The following ARHGAP23 variants were observed in gnomAD, a reference collection of about 807,000 sequenced individuals.
ARHGAP23 encodes the protein rho GTPase-activating protein 23.
A neutral mutation model predicts 136.3 loss-of-function variants in ARHGAP23; 34 were observed. The ratio of observed to expected loss-of-function variants is 0.25; its 90% CI spans 0.19 to 0.33. ARHGAP23 has a LOEUF of 0.33. Among genes scored for constraint, ARHGAP23 ranks in the 10% least tolerant of loss-of-function variants. The pLI is 1.00. For missense variants in ARHGAP23, 1,808 were observed against 2,139.0 expected (o/e 0.85, Z 3.05); for synonymous variants, 832 against 920.5 (o/e 0.90, Z 1.74).
intron 6 of ARHGAP23, among the ~76,000 whole-genome samples, chr17:38,465,816 G>A (rs916380652): frequency 6.6e-6 from 1 of 152,072 alleles, no homozygotes; most frequent in Non-Finnish European, 1.5e-5. Context: ...AGGAGCTTTG[G>A]GCATTGGTGG....
chr17:38,427,040 G>A (rs528132392), upstream of ARHGAP23, among the ~76,000 whole-genome samples: 31 of 152,278 alleles, frequency 2.0e-4, no homozygotes, highest in African/African-American at 7.5e-4. Context: ...ACATAATCTG[G>A]GAAAAGGAAT....
chr17:38,436,665 A>G (rs1313962365), intron 1 of ARHGAP23, among the ~76,000 whole-genome samples: 1 of 152,194 alleles, frequency 6.6e-6, no homozygotes, highest in African/African-American at 2.4e-5. Flanking sequence ...GCCAGACAAA[A>G]AGTCTCCACA....
At chr17:38,432,107 T>C (rs2038698329) in intron 1 of ARHGAP23, among the ~76,000 whole-genome samples, 1 of 152,244 alleles carries the variant, frequency 6.6e-6, no homozygotes, top group Admixed American at 6.5e-5. Flanking sequence ...CCCCTGACAC[T>C]GTGATGTTCC....
chr17:38,483,415 G>C (rs1221111424), intron 16 of ARHGAP23, among the ~76,000 whole-genome samples: 1 of 152,216 alleles, frequency 6.6e-6, no homozygotes, highest in East Asian at 1.9e-4. Flanking sequence ...ATTCTCAAAG[G>C]GTGTTCCCCA....
At chr17:38,500,511 T>C in intron 22 of ARHGAP23, 86 bp from the exon 23 acceptor site, 1 of 1,242,144 alleles carries the variant, frequency 8.1e-7, no homozygotes, top group East Asian at 2.5e-5. Context: ...TCTGAAGCCT[T>C]TGAGGAGAGG....
chr17:38,510,573 G>A lies in ARHGAP23; in HGVS notation c.4077G>A (p.Ala1359=). 2 of 1,246,580 alleles carry A rather than the reference G, an allele frequency of 1.6e-6. No homozygotes were observed. The highest frequency in any genetic ancestry group is 2.0e-6 in the Non-Finnish European group (2 of 995,852). 77.2% of individuals were successfully genotyped at this position (1,246,580 alleles called of 1,614,324 possible). The change falls in exon 24 of 24, where the codon GCG becomes GCA. Residue 1359 remains alanine (A), a synonymous_variant. Coordinates refer to ENST00000622683, the MANE Select transcript of ARHGAP23 (RefSeq NM_001199417.2). The surrounding 1 kb of genome is among the most constrained non-coding windows in gnomAD (Gnocchi z 4.6). ...SSSQESLRPP[A]AALASRPSRM... ...GCCAGGAGTCGCTGCGGCCCCCGGC[G>A]GCGGCGCTGGCCTCCCGGCCCTCGC...
chr17:38,421,256 T>C (rs2038517768), intron 1 of ARHGAP23, among the ~76,000 whole-genome samples: 1 of 152,230 alleles, frequency 6.6e-6, no homozygotes, highest in Non-Finnish European at 1.5e-5. Flanking sequence ...GTGAAATCTC[T>C]GCCAGCTATG....
chr17:38,479,932 T>C, intron 14 of ARHGAP23, 49 bp downstream of exon 14: 2 of 698,556 alleles, frequency 2.9e-6, no homozygotes, highest in Non-Finnish European at 4.3e-6. Context: ...GCAGGGGGCA[T>C]GGGGAGGGGA....
upstream of ARHGAP23, among the ~76,000 whole-genome samples, chr17:38,424,502 G>A (rs1431755142): frequency 1.3e-5 from 2 of 152,146 alleles, no homozygotes; most frequent in Non-Finnish European, 2.9e-5. Flanking sequence ...TTCTCTGGCT[G>A]CCTGCTTCCT....
chr17:38,509,907 CG>C, intron 23 of ARHGAP23, 36 bp from the exon 24 acceptor site: 1 of 1,240,314 alleles, frequency 8.1e-7, no homozygotes. Context: ...GGGCCGAGTC[CG>C]GGCGCCCCCC....
At chr17:38,508,856 G>A (rs769740866) in intron 23 of ARHGAP23, among the ~76,000 whole-genome samples, 1 of 152,114 alleles carries the variant, frequency 6.6e-6, no homozygotes, top group Non-Finnish European at 1.5e-5. Context: ...AGACACCCAG[G>A]TAGAAATGGA....
At chr17:38,468,642 G>A (rs914518375) in intron 7 of ARHGAP23, among the ~76,000 whole-genome samples, 22 of 152,172 alleles carry the variant, frequency 1.4e-4, no homozygotes, top group African/African-American at 5.3e-4. Context: ...GGCTGTGGCC[G>A]GGAGAGGCAG....
chr17:38,499,032 C>G, intron 22 of ARHGAP23: 4 of 698,626 alleles, frequency 5.7e-6, no homozygotes, highest in Non-Finnish European at 1.0e-5. Context: ...CAGCGGCAGG[C>G]AGAATGTCCC....
chr17:38,465,745 C>A (rs529094905), intron 6 of ARHGAP23, among the ~76,000 whole-genome samples: 1 of 151,888 alleles, frequency 6.6e-6, no homozygotes, highest in South Asian at 2.1e-4. Context: ...CACCCCTAGC[C>A]GGCTTTCTTC....
In ARHGAP23 at chr17:38,510,646, C is replaced by T. The variant is rs912719028; in HGVS notation, c.4150C>T (p.Leu1384Phe). 1.3e-5 allele frequency: 18 copies of T among 1,367,184 alleles called. No homozygotes were observed. The African/African-American group carries it at 2.3e-4, about 18-fold the overall frequency. The allele number at this position is 1,367,184 out of a possible 1,614,324, so 84.7% of individuals were successfully genotyped here. Reference protein sequence around the residue: ...LRLRGTADDMLAVRLRRPLSP... With the variant: ...LRLRGTADDMFAVRLRRPLSP... ...GCTCCGCGGCACGGCGGACGACATGCTCGCCGTGCGCCTGCGGCGGCCGCT... is the reference window on the plus strand; with the variant it reads ...GCTCCGCGGCACGGCGGACGACATGTTCGCCGTGCGCCTGCGGCGGCCGCT... Residue 1384 changes from leucine to phenylalanine, a missense_variant, in exon 24 of 24, where the codon CTC becomes TTC. Leu to Phe is a conservative substitution (Grantham distance 22, BLOSUM62 0). Around this residue, in one of 7 missense-constraint regions of ARHGAP23, gnomAD observed 506 missense variants for 455.8 expected, o/e 1.11. Coordinates refer to ENST00000622683, the MANE Select transcript of ARHGAP23 (RefSeq NM_001199417.2). This position sits in a 1 kb window ranked among gnomAD's most constrained non-coding sequence, Gnocchi z 4.6.
chr17:38,470,782 C>A (rs2039733898), intron 10 of ARHGAP23, among the ~76,000 whole-genome samples: 1 of 152,004 alleles, frequency 6.6e-6, no homozygotes, highest in Non-Finnish European at 1.5e-5. Context: ...GGTGATCCAC[C>A]CACCTCGGCC....
chr17:38,427,014 C>G, upstream of ARHGAP23, among the ~76,000 whole-genome samples: 1 of 152,210 alleles, frequency 6.6e-6, no homozygotes, highest in Non-Finnish European at 1.5e-5. Context: ...CTATTTTATC[C>G]TCCGCCTTCT....
rs538082553 is a variant in ARHGAP23 at position 38,490,641 on chromosome 17, C to T, written c.3150+90C>T. ...AGCACGCACTGAGCTCCAGCAGGTC[C>T]AGTAACTCAGGCCCCTCTAGGCACG... On this transcript the variant is annotated intron_variant, in intron 19 of 23. Coordinates refer to ENST00000622683, the MANE Select transcript of ARHGAP23 (RefSeq NM_001199417.2). 86 of 1,060,944 alleles carry T rather than the reference C, an allele frequency of 8.1e-5. 1 individual carries two copies. The African/African-American group carries it at 1.2e-3, about 15-fold the overall frequency. The allele number at this position is 1,060,944 out of a possible 1,614,324, so 65.7% of individuals were successfully genotyped here.
intron 1 of ARHGAP23, chr17:38,454,024 G>A (rs1296960031): frequency 1.4e-5 from 2 of 147,296 alleles, no homozygotes; most frequent in Non-Finnish European, 3.0e-5. Context: ...GGGGGCCGGG[G>A]GCTGGCGCTG....
Sources: allele counts gnomAD v4.1 joint callset (sites outside exome capture counted in the v4.1 genomes callset), GRCh38; gene constraint gnomAD v4.1.1; regional missense constraint gnomAD v4.1.1; non-coding constraint Gnocchi (gnomAD v3.1); transcripts MANE v1.5; gene names NCBI Gene and HGNC (gene_info 2026-07-23, HGNC 2026-07-21).